Variants in GABRB1 observed in about 807,000 individuals in gnomAD.
The protein encoded by GABRB1 is gamma-aminobutyric acid receptor subunit beta-1.
A neutral mutation model predicts 51.6 loss-of-function variants in GABRB1; 17 were observed. The ratio of observed to expected loss-of-function variants is 0.33; its 90% CI spans 0.23 to 0.49. GABRB1 has a LOEUF of 0.49. Ranked by LOEUF, GABRB1 falls within the 20% of genes least tolerant of loss-of-function variation. GABRB1 has a pLI of 0.99. For synonymous variants in GABRB1, 247 were observed against 218.9 expected, an observed-to-expected ratio of 1.13 and a Z score of -1.14; for missense variants, 410 against 600.6, an observed-to-expected ratio of 0.68 and a Z score of 3.32.
rs140712809 is a variant in GABRB1 at position 47,120,594 on chromosome 4, C to T, written c.241-40655C>T. Among the ~76,000 whole-genome samples the T allele has an allele frequency of 5.9e-5, 9 of 152,302 alleles. No homozygotes were observed. The East Asian group carries it at 1.7e-3, about 29-fold the overall frequency. ...TGAATATTCTGGGTCACACCTGAACCCAGCATGTCTCAAGAGTCTCACTGA... is the reference window on the plus strand; with the variant it reads ...TGAATATTCTGGGTCACACCTGAACTCAGCATGTCTCAAGAGTCTCACTGA... On this transcript the variant is annotated intron_variant, in intron 3 of 8. Transcript: ENST00000295454.
At chr4:47,348,720 C>G (rs1405841846) in intron 5 of GABRB1, among the ~76,000 whole-genome samples, 1 of 152,072 alleles carries the variant, frequency 6.6e-6, no homozygotes, top group African/African-American at 2.4e-5. Context: ...AGATTTTGAA[C>G]TAGGGGAAGG....
chr4:47,166,198 C>G (rs1257444823), intron 4 of GABRB1, among the ~76,000 whole-genome samples: 1 of 152,100 alleles, frequency 6.6e-6, no homozygotes, highest in Admixed American at 6.6e-5. Context: ...ATAAACATTT[C>G]ATGGAATATA....
At chr4:47,332,041 C>G (rs79756051) in intron 5 of GABRB1, among the ~76,000 whole-genome samples, 239 of 152,298 alleles carry the variant, frequency 1.6e-3, no homozygotes, top group African/African-American at 5.5e-3. Context: ...GGACAGGAAG[C>G]AAACACCTGA....
rs1419517782 is a variant in GABRB1 at position 47,157,743 on chromosome 4, TATC to T, written c.241-3501_241-3499del. Among the ~76,000 whole-genome samples, 12 of 152,236 alleles carry T rather than the reference TATC, an allele frequency of 7.9e-5. 1 individual carries two copies. The East Asian group carries it at 2.3e-3, about 29-fold the overall frequency. On this transcript the variant is annotated intron_variant, in intron 3 of 8. Transcript: ENST00000295454. ...TTAGTCCTTCCATAATGTTCATTATTATCATCACAATTATTATTATCTTCAAAA... is the reference window on the plus strand; with the variant it reads ...TTAGTCCTTCCATAATGTTCATTATTATCACAATTATTATTATCTTCAAAA...
At chr4:46,999,026 G>A (rs1724094150) in intron 1 of GABRB1, among the ~76,000 whole-genome samples, 1 of 151,984 alleles carries the variant, frequency 6.6e-6, no homozygotes, top group Non-Finnish European at 1.5e-5. Context: ...TATATGTATG[G>A]TATGTGCGAA....
chr4:47,221,662 T>C (rs542768442), intron 4 of GABRB1, among the ~76,000 whole-genome samples: 20 of 151,994 alleles, frequency 1.3e-4, no homozygotes, highest in Non-Finnish European at 2.8e-4. Flanking sequence ...ACTGAACTAT[T>C]GCTCTTAGAA....
intron 4 of GABRB1, among the ~76,000 whole-genome samples, chr4:47,262,946 A>G (rs1188747404): frequency 6.6e-6 from 1 of 151,004 alleles, no homozygotes; most frequent in African/African-American, 2.4e-5. Context: ...TGCAAGGACA[A>G]AAAACCAAAC....
chr4:47,247,008 G>A (rs912391557), intron 4 of GABRB1, among the ~76,000 whole-genome samples: 3 of 152,030 alleles, frequency 2.0e-5, no homozygotes, highest in African/African-American at 7.2e-5. Context: ...TATTTGCTGA[G>A]CAAAAGCTCT....
chr4:47,161,110 A>G (rs1242141120), intron 3 of GABRB1, 139 bp from the exon 4 acceptor site: 5 of 615,170 alleles, frequency 8.1e-6, no homozygotes, highest in Non-Finnish European at 1.4e-5. Flanking sequence ...CTTTTAACCT[A>G]TTGGTTACCT....
intron 3 of GABRB1, among the ~76,000 whole-genome samples, chr4:47,056,008 T>C (rs2109517357): frequency 6.6e-6 from 1 of 152,324 alleles, no homozygotes; most frequent in East Asian, 1.9e-4. Context: ...CAAGGTTAAA[T>C]CATCCATGAA....
chr4:47,306,571 CT>C (rs2109945892), intron 4 of GABRB1, among the ~76,000 whole-genome samples: 1 of 152,066 alleles, frequency 6.6e-6, no homozygotes. Flanking sequence ...TTTCCTTCCC[CT>C]ACCTCTCCCT....
chr4:47,022,619 A>G (rs1724960480), intron 1 of GABRB1, among the ~76,000 whole-genome samples: 1 of 152,044 alleles, frequency 6.6e-6, no homozygotes, highest in Non-Finnish European at 1.5e-5. Flanking sequence ...CGCCCCAGTT[A>G]AAATAGCTTA....
chr4:47,009,525 G>A (rs1724528163), intron 1 of GABRB1, among the ~76,000 whole-genome samples: 1 of 151,942 alleles, frequency 6.6e-6, no homozygotes. Context: ...GTTTTTTTAA[G>A]AAGAAAAAAA....
At chr4:47,118,093 G>A (rs1715589079) in intron 3 of GABRB1, among the ~76,000 whole-genome samples, 1 of 152,166 alleles carries the variant, frequency 6.6e-6, no homozygotes, top group Non-Finnish European at 1.5e-5. Context: ...ACATTAAGAT[G>A]TAAGTAGTTG....
chr4:47,117,243 T>C (rs1577922348), intron 3 of GABRB1, among the ~76,000 whole-genome samples: 1 of 152,184 alleles, frequency 6.6e-6, no homozygotes, highest in Admixed American at 6.5e-5. Context: ...AGTTGAATTA[T>C]AGGGATCAAG....
At chr4:47,324,152 A>G (rs1725172936) in intron 5 of GABRB1, among the ~76,000 whole-genome samples, 1 of 152,140 alleles carries the variant, frequency 6.6e-6, no homozygotes, top group African/African-American at 2.4e-5. Flanking sequence ...TAAAAGAAAA[A>G]GCCATTTCAG....
At chr4:47,045,845 A>G in intron 3 of GABRB1, among the ~76,000 whole-genome samples, 1 of 152,048 alleles carries the variant, frequency 6.6e-6, no homozygotes, top group East Asian at 1.9e-4. Flanking sequence ...AATCATTATC[A>G]TCATCATCAT....
intron 4 of GABRB1, among the ~76,000 whole-genome samples, chr4:47,285,955 A>C (rs914009560): frequency 2.0e-5 from 3 of 152,246 alleles, no homozygotes; most frequent in Non-Finnish European, 4.4e-5. Flanking sequence ...TCACTAATTA[A>C]TTTGCAATAC....
chr4:47,186,817 G>A (rs1380975090), intron 4 of GABRB1, among the ~76,000 whole-genome samples: 1 of 151,854 alleles, frequency 6.6e-6, no homozygotes, highest in Non-Finnish European at 1.5e-5. Flanking sequence ...GCTCTTAGAG[G>A]TGCTTTATCC....
Sources: allele counts gnomAD v4.1 joint callset (sites outside exome capture counted in the v4.1 genomes callset), GRCh38; gene constraint gnomAD v4.1.1; transcripts MANE v1.5; gene names NCBI Gene and HGNC (gene_info 2026-07-23, HGNC 2026-07-21).